Variants in ANKRD30BL observed in about 807,000 individuals in gnomAD.
The protein encoded by ANKRD30BL is ankyrin repeat domain 30B like.
Under a neutral mutation model 18.4 loss-of-function variants are expected in ANKRD30BL, and 20 were observed. That is an observed-to-expected ratio of 1.09 (90% CI 0.77 to 1.58). The LOEUF (loss-of-function observed/expected upper bound fraction) is 1.58, where lower values mean the gene tolerates loss of function less well. ANKRD30BL is among the 40% of genes most tolerant of loss of function. ANKRD30BL has a pLI of 0.00. For synonymous variants in ANKRD30BL, 72 were observed against 100.9 expected (o/e 0.71, Z 1.72); for missense variants, 224 against 268.6 (o/e 0.83, Z 1.16).
chr2:132,195,585 G>A (rs1678946158), intron 1 of ANKRD30BL, among the ~76,000 whole-genome samples: 1 of 151,724 alleles, frequency 6.6e-6, no homozygotes, highest in South Asian at 2.1e-4. Flanking sequence ...GAGGTCGGGA[G>A]TTCAAGACCA....
chr2:132,202,614 T>C (rs1426296281), intron 1 of ANKRD30BL, among the ~76,000 whole-genome samples: 1 of 152,046 alleles, frequency 6.6e-6, no homozygotes, highest in Non-Finnish European at 1.5e-5. Context: ...AGATATGCAA[T>C]AGAGTCATTG....
intron 1 of ANKRD30BL, among the ~76,000 whole-genome samples, chr2:132,224,122 A>G (rs1679775888): frequency 6.6e-6 from 1 of 152,112 alleles, no homozygotes. Context: ...CTTCGTTGGA[A>G]GCGGGAAGAT....
intron 1 of ANKRD30BL, among the ~76,000 whole-genome samples, chr2:132,203,301 A>G (rs1679145412): frequency 6.6e-6 from 1 of 152,276 alleles, no homozygotes; most frequent in South Asian, 2.1e-4. Flanking sequence ...GATATAGCAA[A>G]CAAAAACACA....
At chr2:132,197,439 ATT>A (rs1005315791) in intron 1 of ANKRD30BL, among the ~76,000 whole-genome samples, 6 of 152,006 alleles carry the variant, frequency 3.9e-5, no homozygotes, top group African/African-American at 1.2e-4. Context: ...TTATGAATCG[ATT>A]TATATTTTTC....
intron 1 of ANKRD30BL, among the ~76,000 whole-genome samples, chr2:132,180,868 C>G (rs1688448256): frequency 6.6e-6 from 1 of 152,072 alleles, no homozygotes. Context: ...GAGGGATAGT[C>G]CAGGCGAGGT....
At chr2:132,203,844 T>A (rs1315396019) in intron 1 of ANKRD30BL, among the ~76,000 whole-genome samples, 1 of 152,196 alleles carries the variant, frequency 6.6e-6, no homozygotes, top group African/African-American at 2.4e-5. Context: ...TTACTTTTGG[T>A]TTCATCAAAA....
chr2:132,201,519 CA>C (rs1375319233), intron 1 of ANKRD30BL, among the ~76,000 whole-genome samples: 1 of 152,158 alleles, frequency 6.6e-6, no homozygotes, highest in African/African-American at 2.4e-5. Flanking sequence ...GACATTTATG[CA>C]GGCAAAAAAC....
intron 1 of ANKRD30BL, among the ~76,000 whole-genome samples, chr2:132,198,370 C>CTGGAGT (rs1339755437): frequency 1.5e-5 from 2 of 129,928 alleles, no homozygotes; most frequent in Non-Finnish European, 3.1e-5. Context: ...GTCGCCCAGG[C>CTGGAGT]TGGAGTGAAG....
At chr2:132,238,659 C>G (rs62166199) in intron 1 of ANKRD30BL, among the ~76,000 whole-genome samples, 3 of 151,586 alleles carry the variant, frequency 2.0e-5, no homozygotes, top group South Asian at 2.1e-4. Context: ...AAACATCTTT[C>G]TGATGTGTGT....
rs1687645647 is a variant in ANKRD30BL at position 132,147,798 on chromosome 2, C to G, written c.*333G>C. ...TATTTAAAGAGGGCAGGGGTATGAG[C>G]TGGAGTGGCAGGGTGAGTAGTTTCA... On this transcript the variant is annotated 3_prime_UTR_variant, in exon 6 of 6. Coordinates refer to ENST00000409867, the MANE Select transcript of ANKRD30BL (RefSeq NM_001358416.1). 9.5e-6 allele frequency: 3 copies of G among 315,206 alleles called. No individual in the cohort carries two copies. The highest frequency in any genetic ancestry group is 1.9e-5 in the Non-Finnish European group (3 of 161,854). The allele number at this position is 315,206 out of a possible 1,614,324, so 19.5% of individuals were successfully genotyped here. A position where few individuals can be genotyped will look rare whatever the true frequency, so the allele number is the denominator to read the frequency against.
chr2:132,225,125 A>C (rs1679807099), intron 1 of ANKRD30BL, among the ~76,000 whole-genome samples: 1 of 152,074 alleles, frequency 6.6e-6, no homozygotes, highest in Admixed American at 6.6e-5. Context: ...GACCGCTTTG[A>C]GGCCTTCGTT....
exon 1 of ANKRD30BL, chr2:132,257,612 C>A (rs1396527697): frequency 5.7e-6 from 1 of 176,162 alleles, no homozygotes; most frequent in African/African-American, 2.4e-5. Flanking sequence ...AGGCGGCAGG[C>A]CGGGGGATCC....
At chr2:132,169,987 A>G (rs982152247) in intron 1 of ANKRD30BL, among the ~76,000 whole-genome samples, 5 of 152,168 alleles carry the variant, frequency 3.3e-5, no homozygotes, top group Non-Finnish European at 4.4e-5. Context: ...TCATTGGTAG[A>G]TAATTTTATC....
intron 1 of ANKRD30BL, among the ~76,000 whole-genome samples, chr2:132,221,533 C>T (rs554013150): frequency 3.4e-4 from 45 of 130,814 alleles, no homozygotes; most frequent in South Asian, 2.7e-3. Context: ...CCACCCCGTC[C>T]GGGAGGGAGG....
At chr2:132,218,688 A>G (rs796582515) in intron 1 of ANKRD30BL, among the ~76,000 whole-genome samples, 4 of 151,980 alleles carry the variant, frequency 2.6e-5, no homozygotes, top group Non-Finnish European at 5.9e-5. Flanking sequence ...GTTTGCCTTC[A>G]ACTCACAGAG....
chr2:132,175,213 T>C (rs1688341689), intron 1 of ANKRD30BL, among the ~76,000 whole-genome samples: 1 of 151,776 alleles, frequency 6.6e-6, no homozygotes, highest in South Asian at 2.1e-4. Context: ...ATTATTTTCA[T>C]TATCTCAGCA....
chr2:132,175,908 T>C (rs1379658256), intron 1 of ANKRD30BL, among the ~76,000 whole-genome samples: 3 of 146,878 alleles, frequency 2.0e-5, no homozygotes, highest in Non-Finnish European at 4.5e-5. Context: ...GGCAAAGTGA[T>C]TGGGGCAAAG....
intron 1 of ANKRD30BL, among the ~76,000 whole-genome samples, chr2:132,192,419 C>T (rs1426451997): frequency 6.6e-6 from 1 of 152,170 alleles, no homozygotes; most frequent in African/African-American, 2.4e-5. Flanking sequence ...GATTCTGAAA[C>T]AAAGCCATGC....
chr2:132,235,337 G>C (rs1680125713), intron 1 of ANKRD30BL, among the ~76,000 whole-genome samples: 1 of 152,138 alleles, frequency 6.6e-6, no homozygotes, highest in East Asian at 1.9e-4. Flanking sequence ...GTTCTGACCA[G>C]GGCAACTAGG....
Sources: allele counts gnomAD v4.1 joint callset (sites outside exome capture counted in the v4.1 genomes callset), GRCh38; gene constraint gnomAD v4.1.1; transcripts MANE v1.5; gene names NCBI Gene and HGNC (gene_info 2026-07-23, HGNC 2026-07-21).